BACE2: variants seen among roughly 807,000 people sequenced by gnomAD.
BACE2 encodes the protein beta-secretase 2, also known as 56 kDa aspartic-like protease.
BACE2 carries 17 observed loss-of-function variants against 46.2 expected under a neutral mutation model. The ratio of observed to expected loss-of-function variants is 0.37; its 90% confidence interval spans 0.25 to 0.55. The LOEUF (loss-of-function observed/expected upper bound fraction) is 0.55, where lower values mean the gene tolerates loss of function less well. Ranked by LOEUF, BACE2 falls within the 20% of genes least tolerant of loss-of-function variation. The probability of loss-of-function intolerance (pLI) is 0.82; values close to 1 mark genes in which losing one functional copy is unlikely to be tolerated. For missense variants in BACE2, 595 were observed against 698.1 expected (o/e 0.85, Z 1.66); for synonymous variants, 277 against 295.9 (o/e 0.94, Z 0.66).
intron 1 of BACE2, chr21:41,176,070 A>G (rs1984823421): frequency 6.6e-6 from 1 of 152,190 alleles, no homozygotes; most frequent in African/African-American, 2.4e-5. Context: ...CTGTTTCCTC[A>G]TCTGTAAATC....
chr21:41,247,876 C>T (rs1987519273), intron 6 of BACE2, among the ~76,000 whole-genome samples: 1 of 152,178 alleles, frequency 6.6e-6, no homozygotes, highest in Non-Finnish European at 1.5e-5. Flanking sequence ...TCTGGCTTAC[C>T]GTCTCTGGAC....
rs1183403000 is a variant in BACE2 at position 41,245,839 on chromosome 21, T to C, written c.883-123T>C. On this transcript the variant is annotated intron_variant, in intron 5 of 8. Coordinates refer to ENST00000330333, the MANE Select transcript of BACE2 (RefSeq NM_012105.5). ...GAACATGAATGAACTACACAGTCCA[T>C]GATGACTGGTGTGGCTGCCTGGATT... 6.0e-6 allele frequency: 4 copies of C among 670,856 alleles called. No individual in the cohort carries two copies. The East Asian group carries it at 1.1e-4, about 19-fold the overall frequency. 41.6% of individuals were successfully genotyped at this position (670,856 alleles called of 1,614,324 possible).
Position 41,237,456 on chromosome 21 carries a change from A to G in BACE2, c.402-57A>G. ...GCAAGACTCCGTCTCAAAAATAAATAAATAAAAATAAAATAAAATAAAATG... is the reference window on the plus strand; with the variant it reads ...GCAAGACTCCGTCTCAAAAATAAATGAATAAAAATAAAATAAAATAAAATG... On this transcript the variant is annotated intron_variant, in intron 2 of 8. Transcript: ENST00000330333. 2.4e-6 allele frequency: 3 copies of G among 1,260,730 alleles called. 1 individual carries two copies. The South Asian group carries it at 5.3e-5, about 22-fold the overall frequency. 78.1% of individuals were successfully genotyped at this position (1,260,730 alleles called of 1,614,324 possible).
At chr21:41,269,168 G>A (rs1443271658) in intron 8 of BACE2, among the ~76,000 whole-genome samples, 1 of 151,984 alleles carries the variant, frequency 6.6e-6, no homozygotes, top group Non-Finnish European at 1.5e-5. Flanking sequence ...TGGTCAAGCT[G>A]GTCTTCAACT....
chr21:41,237,798 G>T, intron 3 of BACE2, 69 bp downstream of exon 3: 11 of 1,335,592 alleles, frequency 8.2e-6, no homozygotes, highest in Non-Finnish European at 1.2e-5. Context: ...GTCATTAAAG[G>T]GCTGACACAT....
intron 7 of BACE2, among the ~76,000 whole-genome samples, chr21:41,251,765 C>A (rs538481347): frequency 6.6e-6 from 1 of 150,892 alleles, no homozygotes; most frequent in South Asian, 2.1e-4. Context: ...CACACCACTG[C>A]ACTGCAGCCT....
intron 1 of BACE2, chr21:41,186,901 G>A (rs1321620926): frequency 6.6e-6 from 1 of 152,456 alleles, no homozygotes; most frequent in East Asian, 1.9e-4. Context: ...AGGGCCATTG[G>A]GTCATTGCCA....
rs2088514976 is a variant in BACE2, at chr21:41,278,722, TA to T, written c.*3100del. Reference sequence around the variant, plus strand: ...TTCATTTAAGAGGTGAAGAGGGATTTAATTATTTAATACGCCGGGTGCAAAC... The same window carrying T: ...TTCATTTAAGAGGTGAAGAGGGATTTATTATTTAATACGCCGGGTGCAAAC... On this transcript the variant is annotated 3_prime_UTR_variant, in exon 9 of 9. Transcript: ENST00000330333. 2 of 152,204 alleles carry T rather than the reference TA, an allele frequency of 1.3e-5. No individual in the cohort carries two copies. The highest frequency in any genetic ancestry group is 4.8e-5 in the African/African-American group (2 of 41,448). The allele number at this position is 152,204 out of a possible 1,614,324, so 9.4% of individuals were successfully genotyped here.
intron 1 of BACE2, among the ~76,000 whole-genome samples, chr21:41,188,726 C>T (rs1159533645): frequency 6.6e-6 from 1 of 152,186 alleles, no homozygotes; most frequent in Non-Finnish European, 1.5e-5. Flanking sequence ...TAAGAGAAAC[C>T]TTAGAAGCCT....
intron 8 of BACE2, 146 bp downstream of exon 8, chr21:41,257,472 A>G: frequency 1.0e-6 from 1 of 956,132 alleles, no homozygotes; most frequent in Non-Finnish European, 1.5e-6. Flanking sequence ...TCTTCTCAAT[A>G]AAATGGGTCA....
At chr21:41,189,376 C>A (rs1985490011) in intron 1 of BACE2, among the ~76,000 whole-genome samples, 2 of 152,186 alleles carry the variant, frequency 1.3e-5, no homozygotes, top group African/African-American at 2.4e-5. Flanking sequence ...GTTCTTCTCT[C>A]CATTTTCATT....
At chr21:41,187,784 T>C (rs1264539212) in intron 1 of BACE2, among the ~76,000 whole-genome samples, 1 of 152,162 alleles carries the variant, frequency 6.6e-6, no homozygotes, top group Admixed American at 6.5e-5. Flanking sequence ...CTCTGAACGT[T>C]AAGAGCTTGC....
rs56942862 is a variant in BACE2, at chr21:41,242,339, T to TTCTCTC, written c.747+405_747+410dup. Among the ~76,000 whole-genome samples the TTCTCTC allele has an allele frequency of 2.7e-4, 40 of 148,866 alleles. No homozygotes were observed. The South Asian group carries it at 8.0e-3, about 30-fold the overall frequency. ...GGAAACAGGGGCCCTTGTAGATCCTTTCTCTCTCTCTCTCTCTCAACACAC... is the reference window on the plus strand; with the variant it reads ...GGAAACAGGGGCCCTTGTAGATCCTTTCTCTCTCTCTCTCTCTCTCTCTCAACACAC... On this transcript the variant is annotated intron_variant, in intron 4 of 8. Coordinates refer to ENST00000330333, the MANE Select transcript of BACE2 (RefSeq NM_012105.5).
chr21:41,238,067 T>C (rs907959630), intron 3 of BACE2, among the ~76,000 whole-genome samples: 1 of 152,226 alleles, frequency 6.6e-6, no homozygotes, highest in African/African-American at 2.4e-5. Flanking sequence ...GAAAACACAT[T>C]TATTAAATTC....
At chr21:41,178,122 CA>C in intron 1 of BACE2, 1 of 152,368 alleles carries the variant, frequency 6.6e-6, no homozygotes, top group Non-Finnish European at 1.5e-5. Context: ...CGATCTGGTC[CA>C]AAATGGCAAC....
rs1466810396 is a variant in BACE2, at chr21:41,281,012, C to T, written c.*5388C>T. The T allele has an allele frequency of 6.6e-6, 1 of 152,128 alleles. No individual in the cohort carries two copies. The highest frequency in any genetic ancestry group is 2.4e-5 in the African/African-American group (1 of 41,406). 9.4% of individuals were successfully genotyped at this position (152,128 alleles called of 1,614,324 possible). A position where few individuals can be genotyped will look rare whatever the true frequency, so the allele number is the denominator to read the frequency against. On this transcript the variant is annotated 3_prime_UTR_variant, in exon 9 of 9. Coordinates refer to ENST00000330333, the MANE Select transcript of BACE2 (RefSeq NM_012105.5). Reference sequence around the variant, plus strand: ...CCTGGTCCCTGATGCTTGGGTGCCCCGTTGAGCCTCGGGTACTTCTTGGAC... The same window carrying T: ...CCTGGTCCCTGATGCTTGGGTGCCCTGTTGAGCCTCGGGTACTTCTTGGAC...
At chr21:41,221,701 G>A (rs749460724) in intron 1 of BACE2, among the ~76,000 whole-genome samples, 36 of 152,264 alleles carry the variant, frequency 2.4e-4, no homozygotes, top group Non-Finnish European at 4.3e-4. Context: ...GGTGGCGGGA[G>A]CCTGTAGTCC....
At chr21:41,196,925 G>T (rs553819595) in intron 1 of BACE2, among the ~76,000 whole-genome samples, 1 of 152,132 alleles carries the variant, frequency 6.6e-6, no homozygotes, top group Admixed American at 6.5e-5. Context: ...TCGGTTTCCA[G>T]GATTTTGTAT....
chr21:41,177,800 A>G (rs1012559981), intron 1 of BACE2: 2 of 152,250 alleles, frequency 1.3e-5, no homozygotes, highest in Admixed American at 6.5e-5. Flanking sequence ...ATGCCCAACA[A>G]TCTGGGTCTG....
Sources: gnomAD v4.1 joint callset for allele counts (sites outside exome capture counted in the v4.1 genomes callset) on GRCh38, gnomAD v4.1.1 for gene constraint, MANE v1.5 for transcripts, NCBI Gene and HGNC (gene_info 2026-07-23, HGNC 2026-07-21) for gene names.